Variants in CHTF8 observed in about 807,000 individuals in gnomAD.
CHTF8 encodes the protein chromosome transmission fidelity factor 8.
Under a neutral mutation model 11.0 loss-of-function variants are expected in CHTF8, and 6 were observed. That is an observed-to-expected ratio of 0.55 (90% CI 0.30 to 1.08). CHTF8 has a LOEUF of 1.08. Among genes scored for constraint, CHTF8 ranks in the 50% least tolerant of loss-of-function variants. The pLI, the probability that CHTF8 is intolerant of heterozygous loss-of-function variation, is 0.07. For missense variants in CHTF8, 140 were observed against 153.1 expected, an observed-to-expected ratio of 0.91 and a Z score of 0.45; for synonymous variants, 53 against 60.5, an observed-to-expected ratio of 0.88 and a Z score of 0.57.
In CHTF8 at chr16:69,119,049, G is replaced by A. The variant is rs1213029946; in HGVS notation, c.*1376C>T. 1 of 703,068 alleles carries A rather than the reference G, an allele frequency of 1.4e-6. No homozygotes were observed. Among genetic ancestry groups the A allele is most frequent in the South Asian group, 1.5e-5 (1 of 67,602 alleles). 43.6% of individuals were successfully genotyped at this position (703,068 alleles called of 1,614,324 possible). On this transcript the variant is annotated 3_prime_UTR_variant, in exon 4 of 4. Transcript: ENST00000448552. ...CAGTTGGCCTTGTGAAAGGAGCTGG[G>A]TTGATACCCACAGGGCCAGCTGGAG...
At chr16:69,123,947 A>AC (rs34805591) in intron 1 of CHTF8, among the ~76,000 whole-genome samples, 1 of 147,640 alleles carries the variant, frequency 6.8e-6, no homozygotes, top group South Asian at 2.1e-4. Flanking sequence ...AAAAAAAAAA[A>AC]CAAAAAATTA....
At position 69,118,469 on chromosome 16, in the gene CHTF8, T is replaced by C; in HGVS notation, c.*1956A>G. The C allele has an allele frequency of 1.3e-6, 2 of 1,540,552 alleles. No homozygotes were observed. Among genetic ancestry groups the C allele is most frequent in the South Asian group, 2.2e-5 (2 of 89,680 alleles). On this transcript the variant is annotated 3_prime_UTR_variant, in exon 4 of 4. Transcript: ENST00000448552. ...CGTTTCTAGAGAGCAGTGAGCTGAT[T>C]CTCCAATGGTGAGCAGGGGACTACA...
chr16:69,127,892 G>A (rs1962193998), intron 1 of CHTF8, among the ~76,000 whole-genome samples: 1 of 151,612 alleles, frequency 6.6e-6, no homozygotes, highest in African/African-American at 2.4e-5. Flanking sequence ...TTACAGGCGT[G>A]AACCACCGTG....
Position 69,118,655 on chromosome 16 carries a change from C to T in CHTF8, c.*1770G>A. The T allele has an allele frequency of 1.4e-6, 1 of 694,068 alleles. No homozygotes were observed. The highest frequency in any genetic ancestry group is 2.6e-6 in the Non-Finnish European group (1 of 380,004). The allele number at this position is 694,068 out of a possible 1,614,324, so 43.0% of individuals were successfully genotyped here. A position where few individuals can be genotyped will look rare whatever the true frequency, so the allele number is the denominator to read the frequency against. ...TCTCTCAAGGGCAGGATTATTCCCA[C>T]CTGCCACAGTTCACATGCCACAAAT... On this transcript the variant is annotated 3_prime_UTR_variant, in exon 4 of 4. Transcript: ENST00000448552.
intron 1 of CHTF8, among the ~76,000 whole-genome samples, chr16:69,128,440 C>G (rs1962247119): frequency 6.6e-6 from 1 of 152,140 alleles, no homozygotes; most frequent in Non-Finnish European, 1.5e-5. Flanking sequence ...TAAAGAAAAC[C>G]AAACCTTTCC....
At chr16:69,131,787 TG>T (rs1776410785) in intron 1 of CHTF8, among the ~76,000 whole-genome samples, 1 of 151,552 alleles carries the variant, frequency 6.6e-6, no homozygotes, top group East Asian at 2.0e-4. Context: ...TTCTCCAAAT[TG>T]TTCCCGGTTC....
chr16:69,120,515 G>A lies in CHTF8; in HGVS notation c.276C>T (p.Thr92=), dbSNP rs774920630. The change falls in exon 4 of 4, where the codon ACC becomes ACT. Residue 92 remains threonine (T), a synonymous_variant. Transcript: ENST00000448552. The surrounding 1 kb of genome is among the most constrained non-coding windows in gnomAD (Gnocchi z 4.0). The part of the protein sequence containing the change: ...DCDELGRETG[T]RYLVTALIKD... ...TGATGAGTGCTGTCACCAGGTACCG[G>A]GTGCCAGTCTCGCGGCCAAGCTCAT... The A allele has an allele frequency of 1.2e-6, 2 of 1,613,956 alleles. No homozygotes were observed. Among genetic ancestry groups the A allele is most frequent in the South Asian group, 2.2e-5 (2 of 91,082 alleles).
chr16:69,120,742 G>A lies in CHTF8; in HGVS notation c.142-93C>T, dbSNP rs1034302627. On this transcript the variant is annotated intron_variant, in intron 3 of 3. Coordinates refer to ENST00000448552, the MANE Select transcript of CHTF8 (RefSeq NM_001039690.5). This position sits in a 1 kb window ranked among gnomAD's most constrained non-coding sequence, Gnocchi z 4.0. ...AAGCTGCTCTTGGCAGGCTATGCTG[G>A]CACCTCCAATCCCTGGTCTGGCTCT... The A allele has an allele frequency of 9.2e-7, 1 of 1,088,418 alleles. No individual in the cohort carries two copies. Among genetic ancestry groups the A allele is most frequent in the Admixed American group, 2.1e-5 (1 of 48,322 alleles). 67.4% of individuals were successfully genotyped at this position (1,088,418 alleles called of 1,614,324 possible). A position where few individuals can be genotyped will look rare whatever the true frequency, so the allele number is the denominator to read the frequency against.
chr16:69,121,241 T>A, intron 2 of CHTF8, 71 bp from the exon 3 acceptor site: 4 of 1,437,666 alleles, frequency 2.8e-6, no homozygotes, highest in Non-Finnish European at 2.9e-6. Context: ...CACACCACCA[T>A]TTGAGGCCCA....
intron 2 of CHTF8, 37 bp from the exon 3 acceptor site, chr16:69,121,207 G>A (rs200097399): frequency 6.3e-7 from 1 of 1,581,450 alleles, no homozygotes; most frequent in East Asian, 2.2e-5. Context: ...ATATTTTTGA[G>A]GGGTGAAGGA....
chr16:69,122,085 C>A (rs116763273), intron 1 of CHTF8, among the ~76,000 whole-genome samples: 2,273 of 152,212 alleles, frequency 0.015, 57 homozygotes, highest in African/African-American at 0.052. Context: ...CATGCCTGGC[C>A]GACAACTAAT....
rs1434956115 is a variant in CHTF8, at chr16:69,119,090, C to T, written c.*1335G>A. On this transcript the variant is annotated 3_prime_UTR_variant, in exon 4 of 4. Coordinates refer to ENST00000448552, the MANE Select transcript of CHTF8 (RefSeq NM_001039690.5). ...CCAGCTGGAGAAGGGCCCAGATGCC[C>T]GGCAGCTGGCCTGGGGAAAGTAACT... 7.0e-5 allele frequency: 49 copies of T among 703,000 alleles called. No homozygotes were observed. The highest frequency in any genetic ancestry group is 4.6e-4 in the Middle Eastern group (2 of 4,348). The allele number at this position is 703,000 out of a possible 1,614,324, so 43.5% of individuals were successfully genotyped here. A position where few individuals can be genotyped will look rare whatever the true frequency, so the allele number is the denominator to read the frequency against.
Position 69,120,192 on chromosome 16 carries a change from C to T in CHTF8, c.*233G>A, listed in dbSNP as rs1961528971. On this transcript the variant is annotated 3_prime_UTR_variant, in exon 4 of 4. Coordinates refer to ENST00000448552, the MANE Select transcript of CHTF8 (RefSeq NM_001039690.5). The surrounding 1 kb of genome is among the most constrained non-coding windows in gnomAD (Gnocchi z 4.0). ...CCGGGAAAGGTGCTGGATTTGAAGC[C>T]AATGAGCCTGATGAAGCTGGAAAAG... 1 of 701,990 alleles carries T rather than the reference C, an allele frequency of 1.4e-6. No homozygotes were observed. The highest frequency in any genetic ancestry group is 2.6e-6 in the Non-Finnish European group (1 of 385,390). 43.5% of individuals were successfully genotyped at this position (701,990 alleles called of 1,614,324 possible).
At chr16:69,122,788 C>A (rs140772885) in intron 1 of CHTF8, among the ~76,000 whole-genome samples, 56 of 152,152 alleles carry the variant, frequency 3.7e-4, no homozygotes, top group Non-Finnish European at 3.7e-4. Flanking sequence ...GTTGGCCACC[C>A]ACTTTGGCCT....
chr16:69,118,133 A>ATTC lies in CHTF8; in HGVS notation c.*2291_*2292insGAA. ...TTTCTTCCCTTCATCCCCCACCCCC[A>ATTC]CCCTAATTCCCATATTCCCATCCAC... On this transcript the variant is annotated 3_prime_UTR_variant, in exon 4 of 4. Coordinates refer to ENST00000448552, the MANE Select transcript of CHTF8 (RefSeq NM_001039690.5). 1 of 148,008 alleles carries ATTC rather than the reference A, an allele frequency of 6.8e-6. No homozygotes were observed. The allele number at this position is 148,008 out of a possible 1,614,324, so 9.2% of individuals were successfully genotyped here.
At chr16:69,132,233 T>TGGCCCTCCCACCCCGGA (rs1962597870) in intron 1 of CHTF8, 2 of 124,888 alleles carry the variant, frequency 1.6e-5, no homozygotes, top group Non-Finnish European at 3.4e-5. Flanking sequence ...CCCACACTCC[T>TGGCCCTCCCACCCCGGA]GGCCCTCCCA....
rs955634911 is a variant in CHTF8, at chr16:69,127,745, G to C, written c.-36+4739C>G. 2.4e-4 allele frequency among the ~76,000 whole-genome samples: 36 copies of C among 147,238 alleles called. 1 individual carries two copies. Among genetic ancestry groups the C allele is most frequent in the African/African-American group, 8.6e-4 (34 of 39,702 alleles). On this transcript the variant is annotated intron_variant, in intron 1 of 3. Transcript: ENST00000448552. ...CTGCCTCAGCCTCCCAAGTAGCTGG[G>C]ACTACAGGCGCCCGCCACCACACCC...
intron 1 of CHTF8, among the ~76,000 whole-genome samples, chr16:69,123,940 A>AAC (rs1961871107): frequency 1.4e-5 from 2 of 140,220 alleles, no homozygotes; most frequent in African/African-American, 5.0e-5. Flanking sequence ...AAAAAAAAAA[A>AAC]AAAAAAACAA....
intron 1 of CHTF8, among the ~76,000 whole-genome samples, chr16:69,121,824 C>A (rs1050023894): frequency 6.6e-6 from 1 of 152,074 alleles, no homozygotes; most frequent in African/African-American, 2.4e-5. Flanking sequence ...CCCGCCACCA[C>A]GGCCGGCTAA....
Sources: allele counts gnomAD v4.1 joint callset (sites outside exome capture counted in the v4.1 genomes callset), GRCh38; gene constraint gnomAD v4.1.1; non-coding constraint Gnocchi (gnomAD v3.1); transcripts MANE v1.5; gene names NCBI Gene and HGNC (gene_info 2026-07-23, HGNC 2026-07-21).